Variants in PHACTR1 observed in about 807,000 individuals in gnomAD.
The protein encoded by PHACTR1 is phosphatase and actin regulator 1.
PHACTR1 carries 16 observed loss-of-function variants against 69.2 expected under a neutral mutation model. That is an observed-to-expected ratio of 0.23 (90% confidence interval 0.16 to 0.35). The LOEUF is 0.35. Ranked by LOEUF, PHACTR1 falls within the 10% of genes least tolerant of loss-of-function variation. The pLI, the probability that PHACTR1 is intolerant of heterozygous loss-of-function variation, is 1.00. For synonymous variants in PHACTR1, 312 were observed against 284.5 expected (o/e 1.10, Z -0.97); for missense variants, 510 against 734.7 (o/e 0.69, Z 3.54).
chr6:13,170,270 A>G (rs1490433293), intron 6 of PHACTR1, among the ~76,000 whole-genome samples: 1 of 152,230 alleles, frequency 6.6e-6, no homozygotes, highest in Non-Finnish European at 1.5e-5. Context: ...AATTTTGACA[A>G]ATGTTTCCAT....
chr6:13,261,830 T>G (rs1010085821), intron 10 of PHACTR1, among the ~76,000 whole-genome samples: 7 of 152,162 alleles, frequency 4.6e-5, no homozygotes, highest in Non-Finnish European at 1.0e-4. Flanking sequence ...TATTGTCAGT[T>G]AGACAGACAA....
At chr6:13,122,972 T>G (rs1197958392) in intron 5 of PHACTR1, among the ~76,000 whole-genome samples, 2 of 143,908 alleles carry the variant, frequency 1.4e-5, no homozygotes, top group East Asian at 4.0e-4. Context: ...CCTGGCTTCT[T>G]AGAAACCAGG....
At position 13,275,593 on chromosome 6, in the gene PHACTR1, GC is replaced by G. The variant is rs1490237900; in HGVS notation, c.1448-2671del. 6.6e-6 allele frequency: 1 copy of G among 151,800 alleles called. No individual in the cohort carries two copies. The highest frequency in any genetic ancestry group is 6.5e-5 in the Admixed American group (1 of 15,274). The allele number at this position is 151,800 out of a possible 1,614,324, so 9.4% of individuals were successfully genotyped here. ...AGGCTAGTAATGAGGAGGAGAGCCG[GC>G]CCCACACAAAACATGACCACAGGAA... On this transcript the variant is annotated intron_variant, in intron 11 of 14. Transcript: ENST00000332995. This position sits in a 1 kb window ranked among gnomAD's most constrained non-coding sequence, Gnocchi z 4.0.
chr6:13,034,617 G>A (rs1401095408), intron 4 of PHACTR1, among the ~76,000 whole-genome samples: 6 of 152,076 alleles, frequency 3.9e-5, no homozygotes, highest in African/African-American at 1.4e-4. Flanking sequence ...TTAGGGTTGG[G>A]GCTGGGTTGT....
intron 3 of PHACTR1, among the ~76,000 whole-genome samples, chr6:12,728,647 G>A (rs763018493): frequency 2.6e-5 from 4 of 151,990 alleles, no homozygotes; most frequent in Non-Finnish European, 5.9e-5. Context: ...AACCCAACAG[G>A]TTATTTTGAG....
chr6:12,750,302 A>G (rs1292460741), intron 4 of PHACTR1, among the ~76,000 whole-genome samples: 1 of 152,162 alleles, frequency 6.6e-6, no homozygotes, highest in East Asian at 1.9e-4. Flanking sequence ...CTGGGAAGCT[A>G]CCGTGCTGGT....
At chr6:12,944,783 A>ATTTTTTT (rs201376090) in intron 4 of PHACTR1, among the ~76,000 whole-genome samples, 3 of 119,374 alleles carry the variant, frequency 2.5e-5, no homozygotes, top group African/African-American at 1.0e-4. Flanking sequence ...ATTTATTTTT[A>ATTTTTTT]TTTATTTTTT....
chr6:13,013,687 C>T (rs1799718577), intron 4 of PHACTR1, among the ~76,000 whole-genome samples: 1 of 151,882 alleles, frequency 6.6e-6, no homozygotes, highest in South Asian at 2.1e-4. Flanking sequence ...CCTCCGGCTT[C>T]GGGATCCGGA....
chr6:12,792,840 CTTTTTTTT>C (rs58524663), intron 4 of PHACTR1, among the ~76,000 whole-genome samples: 2 of 120,422 alleles, frequency 1.7e-5, no homozygotes, highest in African/African-American at 3.1e-5. Flanking sequence ...TAAAGAGAAG[CTTTTTTTT>C]TTTTTTTTTT....
Position 12,861,030 on chromosome 6 carries a change from C to T in PHACTR1, c.250+111240C>T, listed in dbSNP as rs1208585182. 2.6e-5 allele frequency among the ~76,000 whole-genome samples: 4 copies of T among 152,290 alleles called. 1 individual carries two copies. In the East Asian group the frequency reaches 7.7e-4, roughly 29 times the overall value. ...CCATAGACAGTGCCATCATAGTGGCCATGCCTTTCTTCCCAAAACACTCAC... is the reference window on the plus strand; with the variant it reads ...CCATAGACAGTGCCATCATAGTGGCTATGCCTTTCTTCCCAAAACACTCAC... On this transcript the variant is annotated intron_variant, in intron 4 of 14. Transcript: ENST00000332995.
At chr6:12,901,131 A>G (rs1418001576) in intron 4 of PHACTR1, among the ~76,000 whole-genome samples, 1 of 149,654 alleles carries the variant, frequency 6.7e-6, no homozygotes, top group African/African-American at 2.6e-5. Context: ...AGGAGCACTG[A>G]GTCAGGAAGT....
intron 4 of PHACTR1, among the ~76,000 whole-genome samples, chr6:12,837,205 TG>T (rs1170624182): frequency 1.4e-4 from 21 of 152,198 alleles, no homozygotes; most frequent in African/African-American, 4.8e-4. Context: ...TAAAGAATGA[TG>T]ATAAAAAATT....
chr6:13,266,128 G>A (rs780320004), intron 10 of PHACTR1, among the ~76,000 whole-genome samples: 1 of 152,004 alleles, frequency 6.6e-6, no homozygotes, highest in Non-Finnish European at 1.5e-5. Flanking sequence ...CTGCCTCAGT[G>A]AACAGCATTC....
At chr6:13,041,339 T>TACATACATACACACACACACAC (rs1554113082) in intron 4 of PHACTR1, among the ~76,000 whole-genome samples, 1 of 135,366 alleles carries the variant, frequency 7.4e-6, no homozygotes, top group African/African-American at 2.8e-5. Context: ...TTAAAATACA[T>TACATACATACACACACACACAC]ACACACACAC....
intron 5 of PHACTR1, among the ~76,000 whole-genome samples, chr6:13,096,904 T>C (rs1374005690): frequency 1.3e-5 from 2 of 152,216 alleles, no homozygotes; most frequent in African/African-American, 4.8e-5. Context: ...GAAAGAGCTT[T>C]TAATTGCATC....
intron 10 of PHACTR1, among the ~76,000 whole-genome samples, chr6:13,235,631 T>C (rs1027193011): frequency 1.3e-5 from 2 of 152,068 alleles, no homozygotes; most frequent in African/African-American, 4.8e-5. Flanking sequence ...AACTAAAGAG[T>C]AACCTAATGC....
chr6:12,863,221 T>C (rs898323872), intron 4 of PHACTR1, among the ~76,000 whole-genome samples: 1 of 152,254 alleles, frequency 6.6e-6, no homozygotes, highest in Admixed American at 6.5e-5. Context: ...AAAGAATAGA[T>C]ATTTATTTCT....
chr6:12,772,821 A>G (rs1769559395), intron 4 of PHACTR1, among the ~76,000 whole-genome samples: 1 of 152,236 alleles, frequency 6.6e-6, no homozygotes. Flanking sequence ...AAAGCATGCC[A>G]AATAAAACAT....
chr6:13,198,297 T>C (rs555643810), intron 7 of PHACTR1, among the ~76,000 whole-genome samples: 3 of 152,332 alleles, frequency 2.0e-5, no homozygotes, highest in Admixed American at 2.0e-4. Context: ...TAGGCAATGC[T>C]GTGACACAGG....
Sources: allele counts gnomAD v4.1 joint callset (sites outside exome capture counted in the v4.1 genomes callset), GRCh38; gene constraint gnomAD v4.1.1; non-coding constraint Gnocchi (gnomAD v3.1); transcripts MANE v1.5; gene names NCBI Gene and HGNC (gene_info 2026-07-23, HGNC 2026-07-21).